Variants in NRXN1 observed in about 807,000 individuals in gnomAD.
NRXN1 encodes the protein neurexin-1.
In NRXN1, 39 loss-of-function variants were observed where a neutral mutation model predicts 150.9. That is an observed-to-expected ratio of 0.26 (90% CI 0.20 to 0.34). NRXN1 has a LOEUF of 0.34. Ranked by LOEUF, NRXN1 falls within the 10% of genes least tolerant of loss-of-function variation. The pLI is 1.00. For missense variants in NRXN1, 1,815 were observed against 1,949.9 expected, an observed-to-expected ratio of 0.93 and a Z score of 1.30; for synonymous variants, 924 against 757.0, an observed-to-expected ratio of 1.22 and a Z score of -3.62.
At chr2:50,740,895 C>A (rs1699346613) in intron 5 of NRXN1, among the ~76,000 whole-genome samples, 3 of 152,274 alleles carry the variant, frequency 2.0e-5, no homozygotes, top group Non-Finnish European at 2.9e-5. Context: ...TAACTACCCA[C>A]AGCTTGGTTA....
chr2:50,869,782 C>T (rs1260489029), intron 5 of NRXN1, among the ~76,000 whole-genome samples: 2 of 151,850 alleles, frequency 1.3e-5, no homozygotes, highest in Admixed American at 1.3e-4. Flanking sequence ...AAACCCAACA[C>T]ATTCTTAGCC....
At chr2:50,711,730 T>C (rs2105048032) in intron 5 of NRXN1, among the ~76,000 whole-genome samples, 1 of 152,182 alleles carries the variant, frequency 6.6e-6, no homozygotes, top group Middle Eastern at 3.4e-3. Context: ...GCAACAGTGT[T>C]GGGAGGTGGG....
At chr2:50,466,377 C>A (rs935749892) in intron 16 of NRXN1, 2 of 418,734 alleles carry the variant, frequency 4.8e-6, no homozygotes, top group Admixed American at 3.1e-5. Flanking sequence ...ACAGTTACTG[C>A]AGAAATGTAA....
At chr2:50,869,286 T>C (rs768333858) in intron 5 of NRXN1, among the ~76,000 whole-genome samples, 58 of 151,708 alleles carry the variant, frequency 3.8e-4, no homozygotes, top group Non-Finnish European at 7.1e-4. Flanking sequence ...AAGGCTGAAA[T>C]TACTATTTAT....
At chr2:50,998,231 A>G (rs929423166) in intron 2 of NRXN1, among the ~76,000 whole-genome samples, 1 of 141,696 alleles carries the variant, frequency 7.1e-6, no homozygotes, top group Non-Finnish European at 1.5e-5. Flanking sequence ...CAGAGACAAT[A>G]CTGATATGTT....
chr2:50,093,502 G>A (rs1020572946), intron 18 of NRXN1, among the ~76,000 whole-genome samples: 3 of 151,532 alleles, frequency 2.0e-5, no homozygotes, highest in Non-Finnish European at 4.4e-5. Flanking sequence ...GGGCATGGTG[G>A]CACACACCTG....
intron 18 of NRXN1, among the ~76,000 whole-genome samples, chr2:50,170,899 C>A (rs1020487714): frequency 1.3e-5 from 2 of 151,746 alleles, no homozygotes; most frequent in Non-Finnish European, 2.9e-5. Flanking sequence ...ATTTTAACAA[C>A]CAGTAGCCTA....
At chr2:50,014,043 A>G (rs748695602) in intron 21 of NRXN1, among the ~76,000 whole-genome samples, 1 of 152,122 alleles carries the variant, frequency 6.6e-6, no homozygotes, top group Non-Finnish European at 1.5e-5. Flanking sequence ...GTTAAATATT[A>G]AAAGTATAGC....
intron 17 of NRXN1, among the ~76,000 whole-genome samples, chr2:50,355,370 T>C (rs1292289770): frequency 2.0e-5 from 3 of 151,706 alleles, no homozygotes; most frequent in African/African-American, 7.3e-5. Context: ...GGTATGACTA[T>C]TCTACTATCA....
At chr2:50,929,126 C>T (rs1687353412) in intron 2 of NRXN1, among the ~76,000 whole-genome samples, 1 of 151,936 alleles carries the variant, frequency 6.6e-6, no homozygotes, top group Non-Finnish European at 1.5e-5. Context: ...AGCATCTTCA[C>T]AAAATTTTTA....
intron 5 of NRXN1, among the ~76,000 whole-genome samples, chr2:50,726,355 T>G (rs1236132050): frequency 6.6e-6 from 1 of 152,204 alleles, no homozygotes. Context: ...GAAATAATAG[T>G]AATAACCTTA....
rs1435675335 is a variant in NRXN1 at position 50,236,990 on chromosome 2, A to G, written c.3365-20T>C. The G allele has an allele frequency of 6.2e-7, 1 of 1,611,928 alleles. No individual in the cohort carries two copies. Among genetic ancestry groups the G allele is most frequent in the African/African-American group, 1.3e-5 (1 of 74,806 alleles). The stretch of plus-strand genomic sequence containing the variant: ...TCCCAGCTGGAAAACAAAAACCAAA[A>G]CCAATTAGTCCAAATACATCAAGTC... On this transcript the variant is annotated intron_variant, in intron 17 of 22. Coordinates refer to ENST00000401669, the MANE Select transcript of NRXN1 (RefSeq NM_001330078.2).
intron 5 of NRXN1, among the ~76,000 whole-genome samples, chr2:50,891,021 G>C (rs1680970662): frequency 1.3e-5 from 2 of 151,850 alleles, no homozygotes; most frequent in Admixed American, 1.3e-4. Flanking sequence ...TTTATACATG[G>C]TCAATATTTT....
At chr2:50,292,902 T>C (rs1341647366) in intron 17 of NRXN1, among the ~76,000 whole-genome samples, 3 of 152,096 alleles carry the variant, frequency 2.0e-5, no homozygotes, top group African/African-American at 7.2e-5. Flanking sequence ...AATCAGTGAA[T>C]AAAAGGGAGA....
chr2:50,771,667 G>C (rs1703026736), intron 5 of NRXN1, among the ~76,000 whole-genome samples: 1 of 152,114 alleles, frequency 6.6e-6, no homozygotes, highest in Non-Finnish European at 1.5e-5. Flanking sequence ...GTTTTGGCTG[G>C]AATCTTGGAA....
At chr2:50,841,839 T>C (rs1181208234) in intron 5 of NRXN1, among the ~76,000 whole-genome samples, 1 of 152,212 alleles carries the variant, frequency 6.6e-6, no homozygotes, top group Non-Finnish European at 1.5e-5. Context: ...AACTATTTAC[T>C]AGCCCTACAA....
chr2:50,434,615 C>A (rs947284395), intron 17 of NRXN1, among the ~76,000 whole-genome samples: 2 of 152,134 alleles, frequency 1.3e-5, no homozygotes, highest in African/African-American at 4.8e-5. Context: ...GGAAGGTCAT[C>A]TTTAAGAGTC....
At chr2:50,557,776 T>C (rs545375029) in intron 8 of NRXN1, among the ~76,000 whole-genome samples, 1 of 152,348 alleles carries the variant, frequency 6.6e-6, no homozygotes, top group East Asian at 1.9e-4. Flanking sequence ...CTACACAATT[T>C]AATTGTCATA....
intron 5 of NRXN1, among the ~76,000 whole-genome samples, chr2:50,639,957 C>A (rs1303776981): frequency 1.3e-5 from 2 of 152,060 alleles, no homozygotes; most frequent in African/African-American, 2.4e-5. Flanking sequence ...GGAATAGACT[C>A]TATATCATTT....
Sources: gnomAD v4.1 joint callset for allele counts (sites outside exome capture counted in the v4.1 genomes callset) on GRCh38, gnomAD v4.1.1 for gene constraint, MANE v1.5 for transcripts, NCBI Gene and HGNC (gene_info 2026-07-23, HGNC 2026-07-21) for gene names.